Variants in TRIM59 observed in about 807,000 individuals in gnomAD.
TRIM59 encodes the protein tripartite motif-containing protein 59.
Under a neutral mutation model 32.2 loss-of-function variants are expected in TRIM59, and 14 were observed. The observed-to-expected ratio is 0.43, with a 90% confidence interval of 0.29 to 0.68. TRIM59 has a LOEUF of 0.68. Ranked by LOEUF, TRIM59 falls within the 30% of genes least tolerant of loss-of-function variation. TRIM59 has a pLI of 0.15. For synonymous variants in TRIM59, 163 were observed against 155.1 expected, an observed-to-expected ratio of 1.05 and a Z score of -0.38; for missense variants, 471 against 463.3, an observed-to-expected ratio of 1.02 and a Z score of -0.15.
In TRIM59 at chr3:160,438,309, G is replaced by A. The variant is rs1373831474; in HGVS notation, c.875C>T (p.Thr292Ile). 1 of 1,613,442 alleles carries A rather than the reference G, an allele frequency of 6.2e-7. No individual in the cohort carries two copies. Among genetic ancestry groups the A allele is most frequent in the Non-Finnish European group, 8.5e-7 (1 of 1,179,894 alleles). Residue 292 changes from threonine (T) to isoleucine (I), a missense_variant, in exon 3 of 3, where the codon ACA (threonine) becomes ATA (isoleucine). Physicochemically the swap from Thr to Ile is moderately conservative, Grantham distance 89 (BLOSUM62 -1). Transcript: ENST00000309784. The part of the protein sequence containing the change: ...SKILKEEWSR[T>I]EIGQIKNVLI... ...AACGTTCTTAATTTGTCCAATTTCT[G>A]TTCTGCTCCATTCTTCTTTCAATAT...
rs774382119 is a variant in TRIM59, at chr3:160,438,604, CATT to C, written c.577_579del (p.Asn193del). 1 of 1,611,590 alleles carries C rather than the reference CATT, an allele frequency of 6.2e-7. No homozygotes were observed. Among genetic ancestry groups the C allele is most frequent in the South Asian group, 1.1e-5 (1 of 90,456 alleles). On this transcript the variant is annotated inframe_deletion, in exon 3 of 3. Coordinates refer to ENST00000309784, the MANE Select transcript of TRIM59 (RefSeq NM_173084.3). ...CTTTTTTTTTTCTGTTCTAATGTAT[CATT>C]AAGCTCCTTAAAATACTGGAGAACA...
At chr3:160,447,786 G>A (rs188938839) in intron 2 of TRIM59, 30 of 152,190 alleles carry the variant, frequency 2.0e-4, no homozygotes, top group African/African-American at 7.2e-4. Context: ...CTTTAAGTAT[G>A]GGAAAATTCA....
At chr3:160,441,105 A>C (rs1719215832) in intron 2 of TRIM59, among the ~76,000 whole-genome samples, 1 of 152,212 alleles carries the variant, frequency 6.6e-6, no homozygotes, top group Non-Finnish European at 1.5e-5. Flanking sequence ...TCAAGGCTCA[A>C]CTTGAGCCTG....
At chr3:160,439,217 C>T in intron 2 of TRIM59, 31 bp from the exon 3 acceptor site, 1 of 1,481,924 alleles carries the variant, frequency 6.7e-7, no homozygotes, top group Non-Finnish European at 9.0e-7. Context: ...TTTAAGTTTA[C>T]ATAGAGACAC....
intron 2 of TRIM59, among the ~76,000 whole-genome samples, chr3:160,444,800 C>A (rs1262871903): frequency 6.6e-6 from 1 of 152,204 alleles, no homozygotes; most frequent in East Asian, 1.9e-4. Flanking sequence ...AAAAAGACAT[C>A]TTGAATATCT....
intron 2 of TRIM59, 68 bp downstream of exon 2, chr3:160,448,658 G>A (rs1719662395): frequency 7.4e-6 from 7 of 944,070 alleles, no homozygotes; most frequent in Non-Finnish European, 1.0e-5. Context: ...TCACTTTGTA[G>A]TTTAAATCAT....
chr3:160,438,941 A>C lies in TRIM59; in HGVS notation c.243T>G (p.Ala81=). The C allele has an allele frequency of 6.2e-7, 1 of 1,614,164 alleles. No individual in the cohort carries two copies. Among genetic ancestry groups the C allele is most frequent in the East Asian group, 2.2e-5 (1 of 44,868 alleles). Residue 81 remains alanine (A), a synonymous_variant, in exon 3 of 3, where the codon GCT becomes GCG. Transcript: ENST00000309784. Reference sequence around the variant, plus strand: ...CTTCTTGCTGGTACTTTTCAATAATAGCCCTTAGTGCAAAATTAACAGGTA... The same window carrying C: ...CTTCTTGCTGGTACTTTTCAATAATCGCCCTTAGTGCAAAATTAACAGGTA... ...ESLPVNFALR[A]IIEKYQQEDH...
At position 160,446,267 on chromosome 3, in the gene TRIM59, T is replaced by C. The variant is rs531237851; in HGVS notation, c.-4+2459A>G. 1.3e-4 allele frequency among the ~76,000 whole-genome samples: 20 copies of C among 152,226 alleles called. No homozygotes were observed. The East Asian group carries it at 3.1e-3, about 24-fold the overall frequency. ...CTACTCAACTGTTCCAGAATACAAA[T>C]ATGAAAAGTTTGCTAAATATTTTGA... On this transcript the variant is annotated intron_variant, in intron 2 of 2. Coordinates refer to ENST00000309784, the MANE Select transcript of TRIM59 (RefSeq NM_173084.3).
chr3:160,438,920 T>C lies in TRIM59; in HGVS notation c.264A>G (p.Gln88=), dbSNP rs78209671. 2.5e-6 allele frequency: 4 copies of C among 1,614,028 alleles called. No individual in the cohort carries two copies. The highest frequency in any genetic ancestry group is 2.2e-5 in the East Asian group (1 of 44,882). Residue 88 remains glutamine, a synonymous_variant, in exon 3 of 3, where the codon CAA becomes CAG. Transcript: ENST00000309784. ...AGGTGACAATATCTGGATGGTCTTCTTGCTGGTACTTTTCAATAATAGCCC... is the reference window on the plus strand; with the variant it reads ...AGGTGACAATATCTGGATGGTCTTCCTGCTGGTACTTTTCAATAATAGCCC... ...ALRAIIEKYQ[Q]EDHPDIVTCP... is the part of the protein sequence containing the mutation.
rs1718942447 is a variant in TRIM59 at position 160,436,316 on chromosome 3, T to TA, written c.*1655dup. The TA allele has an allele frequency of 1.6e-5, 16 of 987,274 alleles. No homozygotes were observed. The highest frequency in any genetic ancestry group is 1.9e-5 in the Non-Finnish European group (16 of 830,992). The allele number at this position is 987,274 out of a possible 1,614,324, so 61.2% of individuals were successfully genotyped here. A position where few individuals can be genotyped will look rare whatever the true frequency, so the allele number is the denominator to read the frequency against. ...GACCCAGAATGTCTTTTTGATTTGA[T>TA]ATAGGTAAGGCTCTTCGGTGATCCA... On this transcript the variant is annotated 3_prime_UTR_variant, in exon 3 of 3. Transcript: ENST00000309784.
rs768518131 is a variant in TRIM59, at chr3:160,439,155, CAAGTT to C, written c.24_28del (p.Thr9SerfsTer5). 1.3e-6 allele frequency: 2 copies of C among 1,500,822 alleles called. No individual in the cohort carries two copies. The highest frequency in any genetic ancestry group is 1.8e-6 in the Non-Finnish European group (2 of 1,126,512). The allele number at this position is 1,500,822 out of a possible 1,614,324, so 93.0% of individuals were successfully genotyped here. On this transcript the variant is annotated frameshift_variant, in exon 3 of 3. Coordinates refer to ENST00000309784, the MANE Select transcript of TRIM59 (RefSeq NM_173084.3). LOFTEE classifies it high-confidence loss of function. ...TTCAAAAATACTATAACATATGGGA[CAAGTT>C]AACTCTTCCTCAAAATTGTGCATTT...
chr3:160,439,370 A>G (rs774985313), intron 2 of TRIM59, among the ~76,000 whole-genome samples, 184 bp from the exon 3 acceptor site: 1 of 152,208 alleles, frequency 6.6e-6, no homozygotes, highest in Non-Finnish European at 1.5e-5. Context: ...AACTGATCAC[A>G]ATTAAGAGTT....
Position 160,438,628 on chromosome 3 carries a change from G to A in TRIM59, c.556C>T (p.Leu186Phe). Residue 186 changes from leucine to phenylalanine, a missense_variant, in exon 3 of 3, where the codon CTC becomes TTC. By Grantham distance (22) the Leu-to-Phe change is conservative. Transcript: ENST00000309784. Reference protein sequence around the residue: ...KMIQGDKEAVLQYFKELNDTL... With the variant: ...KMIQGDKEAVFQYFKELNDTL... ...TCATTAAGCTCCTTAAAATACTGGA[G>A]AACAGCTTCCTTATCGCCTTGGATC... 1.9e-6 allele frequency: 3 copies of A among 1,612,298 alleles called. No homozygotes were observed. The highest frequency in any genetic ancestry group is 2.5e-6 in the Non-Finnish European group (3 of 1,179,610).
chr3:160,438,405 T>G lies in TRIM59; in HGVS notation c.779A>C (p.His260Pro). The G allele has an allele frequency of 6.2e-7, 1 of 1,614,072 alleles. No individual in the cohort carries two copies. Among genetic ancestry groups the G allele is most frequent in the Non-Finnish European group, 8.5e-7 (1 of 1,180,008 alleles). Residue 260 changes from histidine (H) to proline (P), a missense_variant, in exon 3 of 3, where the codon CAT becomes CCT. Transcript: ENST00000309784. Reference sequence around the variant, plus strand: ...TGGTCTTTGTTTCAAGATCTGTACATGCTGGCGTACATCATCAACTTTTTC... The same window carrying G: ...TGGTCTTTGTTTCAAGATCTGTACAGGCTGGCGTACATCATCAACTTTTTC... Reference protein sequence around the residue: ...FLEKVDDVRQHVQILKQRPLP... With the variant: ...FLEKVDDVRQPVQILKQRPLP...
Position 160,435,780 on chromosome 3 carries a change from CATT to C in TRIM59, c.*2189_*2191del, listed in dbSNP as rs1408227907. 2.3e-6 allele frequency: 1 copy of C among 442,056 alleles called. No individual in the cohort carries two copies. 27.4% of individuals were successfully genotyped at this position (442,056 alleles called of 1,614,324 possible). ...CTTACAGATTACAAACCCTTACCAA[CATT>C]AATCTTGGCCTACTTTAAAGTTGAG... On this transcript the variant is annotated 3_prime_UTR_variant, in exon 3 of 3. Coordinates refer to ENST00000309784, the MANE Select transcript of TRIM59 (RefSeq NM_173084.3).
intron 2 of TRIM59, among the ~76,000 whole-genome samples, chr3:160,439,405 CCAAA>C (rs1232457457): frequency 6.6e-6 from 1 of 152,050 alleles, no homozygotes; most frequent in Non-Finnish European, 1.5e-5. Context: ...CAAAATCATC[CCAAA>C]CAAAGCAATT....
At chr3:160,445,781 A>C (rs1719500086) in intron 2 of TRIM59, among the ~76,000 whole-genome samples, 1 of 151,642 alleles carries the variant, frequency 6.6e-6, no homozygotes, top group Admixed American at 6.6e-5. Context: ...CTCAAAAAAA[A>C]AAAAAAAAAA....
rs1376693922 is a variant in TRIM59, at chr3:160,437,321, T to G, written c.*651A>C. ...GTGAGTCATGACCAGACAACTACACTCCAGCCTGGGCAACAAGGTGAGACC... is the reference window on the plus strand; with the variant it reads ...GTGAGTCATGACCAGACAACTACACGCCAGCCTGGGCAACAAGGTGAGACC... On this transcript the variant is annotated 3_prime_UTR_variant, in exon 3 of 3. Coordinates refer to ENST00000309784, the MANE Select transcript of TRIM59 (RefSeq NM_173084.3). 2.1e-6 allele frequency: 2 copies of G among 957,776 alleles called. No homozygotes were observed. Among genetic ancestry groups the G allele is most frequent in the Non-Finnish European group, 2.5e-6 (2 of 805,100 alleles). The allele number at this position is 957,776 out of a possible 1,614,324, so 59.3% of individuals were successfully genotyped here.
At chr3:160,449,518 C>G (rs777454674) in intron 1 of TRIM59, 199 bp downstream of exon 1, 215 of 1,236,930 alleles carry the variant, frequency 1.7e-4, no homozygotes, top group Non-Finnish European at 2.2e-4. Context: ...CGCAGCTCCA[C>G]AGTGGAGGGA....
Sources: allele counts gnomAD v4.1 joint callset (sites outside exome capture counted in the v4.1 genomes callset), GRCh38; gene constraint gnomAD v4.1.1; transcripts MANE v1.5; gene names NCBI Gene and HGNC (gene_info 2026-07-23, HGNC 2026-07-21).